ELOVL7: variants seen among roughly 807,000 people sequenced by gnomAD.
ELOVL7 encodes the protein ELOVL fatty acid elongase 7, also known as very long chain fatty acid elongase 7.
A neutral mutation model predicts 35.7 loss-of-function variants in ELOVL7; 27 were observed. The observed-to-expected ratio is 0.76, with a 90% CI of 0.56 to 1.04. The LOEUF (loss-of-function observed/expected upper bound fraction) is 1.04. ELOVL7 is among the 50% of genes least tolerant of loss of function. ELOVL7 has a pLI of 0.00. For synonymous variants in ELOVL7, 113 were observed against 114.6 expected (o/e 0.99, Z 0.09); for missense variants, 327 against 340.8 (o/e 0.96, Z 0.32).
chr5:60,786,374 C>T (rs566717038), intron 3 of ELOVL7, among the ~76,000 whole-genome samples: 30 of 152,212 alleles, frequency 2.0e-4, no homozygotes, highest in Non-Finnish European at 3.5e-4. Context: ...AATATAACTA[C>T]GGAAATAAAA....
intron 1 of ELOVL7, among the ~76,000 whole-genome samples, chr5:60,833,542 T>C (rs188263234): frequency 6.6e-6 from 1 of 152,244 alleles, no homozygotes; most frequent in Admixed American, 6.5e-5. Flanking sequence ...CTATCTAGGA[T>C]TATCTCCCAA....
At chr5:60,763,294 G>A (rs536444183) in intron 7 of ELOVL7, among the ~76,000 whole-genome samples, 17 of 152,180 alleles carry the variant, frequency 1.1e-4, no homozygotes, top group Admixed American at 5.9e-4. Flanking sequence ...TTCCTGACAC[G>A]GGCTTATCCA....
intron 1 of ELOVL7, among the ~76,000 whole-genome samples, chr5:60,839,720 C>T (rs2112414224): frequency 6.6e-6 from 1 of 152,344 alleles, no homozygotes; most frequent in South Asian, 2.1e-4. Flanking sequence ...ACCTTCCAGG[C>T]CATGTGCAAT....
At chr5:60,798,825 A>C (rs546895201) in intron 2 of ELOVL7, among the ~76,000 whole-genome samples, 2 of 152,346 alleles carry the variant, frequency 1.3e-5, no homozygotes, top group South Asian at 4.1e-4. Flanking sequence ...ATAAGGAAAC[A>C]TTGAACTTGA....
chr5:60,812,773 T>C (rs1226465486), intron 1 of ELOVL7, among the ~76,000 whole-genome samples: 1 of 152,226 alleles, frequency 6.6e-6, no homozygotes, highest in Non-Finnish European at 1.5e-5. Context: ...TCCCTCATTG[T>C]TGACCTCTCC....
intron 1 of ELOVL7, among the ~76,000 whole-genome samples, chr5:60,836,099 A>G (rs1403473787): frequency 1.3e-5 from 2 of 151,962 alleles, no homozygotes; most frequent in African/African-American, 4.8e-5. Context: ...CCAACATCCA[A>G]CTGTTTATTC....
At chr5:60,832,062 A>G (rs1746511538) in intron 1 of ELOVL7, among the ~76,000 whole-genome samples, 1 of 152,178 alleles carries the variant, frequency 6.6e-6, no homozygotes, top group African/African-American at 2.4e-5. Flanking sequence ...TTTTCTGAAG[A>G]TAAGAAAATA....
intron 3 of ELOVL7, among the ~76,000 whole-genome samples, chr5:60,780,254 G>A (rs1743162921): frequency 6.6e-6 from 1 of 151,928 alleles, no homozygotes; most frequent in African/African-American, 2.4e-5. Context: ...CCAGTAGCTG[G>A]GATTACAGGC....
At chr5:60,784,143 C>T (rs758286437) in intron 3 of ELOVL7, 1 of 1,520,426 alleles carries the variant, frequency 6.6e-7, no homozygotes, top group South Asian at 1.2e-5. Flanking sequence ...AGAGTATTCT[C>T]TTCTTAAGTA....
intron 1 of ELOVL7, among the ~76,000 whole-genome samples, chr5:60,823,070 A>C (rs1487552031): frequency 6.6e-6 from 1 of 152,108 alleles, no homozygotes; most frequent in East Asian, 1.9e-4. Context: ...GAAGAAGGAG[A>C]GGCAAAATCA....
intron 2 of ELOVL7, among the ~76,000 whole-genome samples, chr5:60,792,406 A>T (rs1743993497): frequency 1.3e-5 from 2 of 152,220 alleles, no homozygotes; most frequent in South Asian, 2.1e-4. Context: ...AGAGTGATGG[A>T]CTGGATGCCA....
intron 3 of ELOVL7, among the ~76,000 whole-genome samples, chr5:60,778,450 T>G (rs1743043543): frequency 1.3e-5 from 2 of 152,170 alleles, no homozygotes; most frequent in African/African-American, 2.4e-5. Context: ...CTGCATGGCC[T>G]GGGAGACGTC....
chr5:60,767,675 C>A (rs1584167469), intron 5 of ELOVL7, 148 bp downstream of exon 5: 1 of 450,050 alleles, frequency 2.2e-6, no homozygotes, highest in East Asian at 3.3e-5. Flanking sequence ...TTTTTTTATT[C>A]TTGTAATTGT....
chr5:60,807,054 C>T (rs1049600837), intron 1 of ELOVL7, among the ~76,000 whole-genome samples: 17 of 152,188 alleles, frequency 1.1e-4, no homozygotes, highest in African/African-American at 3.9e-4. Flanking sequence ...GGGTTCCTAA[C>T]CCAACATGGC....
intron 1 of ELOVL7, among the ~76,000 whole-genome samples, chr5:60,806,639 T>G (rs1442446684): frequency 6.6e-6 from 1 of 152,202 alleles, no homozygotes; most frequent in Admixed American, 6.5e-5. Context: ...ATTTATTGTC[T>G]CACAGTTCTG....
intron 4 of ELOVL7, among the ~76,000 whole-genome samples, chr5:60,771,360 G>GA (rs1393878076): frequency 2.0e-5 from 3 of 152,068 alleles, no homozygotes; most frequent in Non-Finnish European, 4.4e-5. Flanking sequence ...GAGTTAATGG[G>GA]AAAAAAATTA....
chr5:60,814,965 T>G (rs1006508069), intron 1 of ELOVL7, among the ~76,000 whole-genome samples: 13 of 152,180 alleles, frequency 8.5e-5, no homozygotes, highest in Non-Finnish European at 1.9e-4. Context: ...AAACATCACA[T>G]GAACTACATT....
At chr5:60,757,217 T>C (rs897619000) in intron 8 of ELOVL7, among the ~76,000 whole-genome samples, 19 of 152,102 alleles carry the variant, frequency 1.2e-4, no homozygotes, top group Non-Finnish European at 2.5e-4. Flanking sequence ...TTATGCCTAT[T>C]GAGGGTCACA....
intron 7 of ELOVL7, among the ~76,000 whole-genome samples, chr5:60,758,985 C>T (rs545077125): frequency 6.6e-6 from 1 of 152,016 alleles, no homozygotes; most frequent in Non-Finnish European, 1.5e-5. Flanking sequence ...AAGGAAAATA[C>T]AAATTCATCA....
Sources: allele counts gnomAD v4.1 joint callset (sites outside exome capture counted in the v4.1 genomes callset), GRCh38; gene constraint gnomAD v4.1.1; transcripts MANE v1.5; gene names NCBI Gene and HGNC (gene_info 2026-07-23, HGNC 2026-07-21).